AP3M1: variants seen among roughly 807,000 people sequenced by gnomAD.
AP3M1 encodes the protein adaptor related protein complex 3 subunit mu 1.
AP3M1 carries 29 observed loss-of-function variants against 42.6 expected under a neutral mutation model. The observed-to-expected ratio is 0.68, with a 90% CI of 0.51 to 0.93. AP3M1 has a LOEUF of 0.93. AP3M1 is among the 40% of genes least tolerant of loss of function. The pLI, the probability that AP3M1 is intolerant of heterozygous loss-of-function variation, is 0.00. For synonymous variants in AP3M1, 178 were observed against 175.3 expected (o/e 1.02, Z -0.12); for missense variants, 416 against 510.2 (o/e 0.82, Z 1.78).
chr10:74,121,253 C>T lies in AP3M1; in HGVS notation c.*2557G>A, dbSNP rs1026046621. 2 of 152,192 alleles carry T rather than the reference C, an allele frequency of 1.3e-5. No individual in the cohort carries two copies. The highest frequency in any genetic ancestry group is 4.8e-5 in the African/African-American group (2 of 41,442). 9.4% of individuals were successfully genotyped at this position (152,192 alleles called of 1,614,324 possible). On this transcript the variant is annotated 3_prime_UTR_variant, in exon 9 of 9. Coordinates refer to ENST00000355264, the MANE Select transcript of AP3M1 (RefSeq NM_012095.6). ...CTGTAGTATAATCATTTTCTCAAAT[C>T]AGTTGCCTCTCAGGACAAGATCAGC...
In AP3M1 at chr10:74,124,429, C is replaced by A. The variant is rs536703087; in HGVS notation, c.1107G>T (p.Glu369Asp). ...NLQSGAPKPEENPSLNIQFKI... is the reference protein window; with the variant it reads ...NLQSGAPKPEDNPSLNIQFKI... Reference sequence around the variant, plus strand: ...TAAACTGTATGTTGAGGCTCGGATTCTCTTCTGGTTTGGGGGCTCCAGACT... The same window carrying A: ...TAAACTGTATGTTGAGGCTCGGATTATCTTCTGGTTTGGGGGCTCCAGACT... The change falls in exon 8 of 9, where the codon GAG becomes GAT. Residue 369 changes from glutamate (E) to aspartate (D), a missense_variant. Physicochemically the swap from Glu to Asp is conservative, Grantham distance 45 (BLOSUM62 2). Transcript: ENST00000355264. 2.5e-6 allele frequency: 4 copies of A among 1,613,726 alleles called. No individual in the cohort carries two copies. The African/African-American group carries it at 5.3e-5, about 22-fold the overall frequency.
chr10:74,129,179 A>G lies in AP3M1; in HGVS notation c.732T>C (p.Ser244=). 1.9e-6 allele frequency: 3 copies of G among 1,614,198 alleles called. No individual in the cohort carries two copies. The highest frequency in any genetic ancestry group is 8.5e-7 in the Non-Finnish European group (1 of 1,180,018). Reference sequence around the variant, plus strand: ...GAGGAATAAATGACAAAACTCTTTCAGATTCCCAACGCTTGAACCGGATGC... The same window carrying G: ...GAGGAATAAATGACAAAACTCTTTCGGATTCCCAACGCTTGAACCGGATGC... ...HPCIRFKRWE[S]ERVLSFIPPD... Residue 244 remains serine (S), a synonymous_variant, in exon 6 of 9, where the codon TCT becomes TCC. Transcript: ENST00000355264.
At chr10:74,126,816 C>T (rs1840629297) in intron 6 of AP3M1, among the ~76,000 whole-genome samples, 1 of 150,738 alleles carries the variant, frequency 6.6e-6, no homozygotes, top group Non-Finnish European at 1.5e-5. Context: ...ACTAAAAATA[C>T]AAAAATTAGC....
intron 3 of AP3M1, among the ~76,000 whole-genome samples, chr10:74,136,263 C>T (rs1216588316): frequency 6.6e-6 from 1 of 152,112 alleles, no homozygotes; most frequent in Non-Finnish European, 1.5e-5. Flanking sequence ...TTATGTAATG[C>T]TATTTTAAAT....
Position 74,123,622 on chromosome 10 carries a change from A to G in AP3M1, c.*188T>C. ...AAGATACAAAATAAGCTAAGTCACT[A>G]AAAGGTTTCCTTAGCTTAAAGCTCC... On this transcript the variant is annotated 3_prime_UTR_variant, in exon 9 of 9. Coordinates refer to ENST00000355264, the MANE Select transcript of AP3M1 (RefSeq NM_012095.6). 1 of 583,590 alleles carries G rather than the reference A, an allele frequency of 1.7e-6. No individual in the cohort carries two copies. Among genetic ancestry groups the G allele is most frequent in the Non-Finnish European group, 3.1e-6 (1 of 327,826 alleles). The allele number at this position is 583,590 out of a possible 1,614,324, so 36.2% of individuals were successfully genotyped here.
chr10:74,143,378 T>C (rs1841219432), intron 1 of AP3M1, among the ~76,000 whole-genome samples: 1 of 152,196 alleles, frequency 6.6e-6, no homozygotes, highest in Non-Finnish European at 1.5e-5. Flanking sequence ...GCCTCCTCAG[T>C]AGCTGGGATT....
chr10:74,139,546 C>T (rs1591759289), intron 1 of AP3M1, among the ~76,000 whole-genome samples: 1 of 151,414 alleles, frequency 6.6e-6, no homozygotes, highest in East Asian at 1.9e-4. Flanking sequence ...CTTGGGGAGG[C>T]CGAGGCAGGT....
chr10:74,124,220 T>G (rs1445175120), intron 8 of AP3M1, among the ~76,000 whole-genome samples, 160 bp downstream of exon 8: 1 of 152,158 alleles, frequency 6.6e-6, no homozygotes, highest in Admixed American at 6.5e-5. Context: ...GAAAAATCAT[T>G]TGGTCGGTGC....
intron 4 of AP3M1, among the ~76,000 whole-genome samples, chr10:74,131,644 C>T (rs2131972167): frequency 6.6e-6 from 1 of 152,038 alleles, no homozygotes; most frequent in African/African-American, 2.4e-5. Context: ...AACTCCTGGG[C>T]TCAAGCAATC....
chr10:74,143,134 T>C (rs1841210162), intron 1 of AP3M1, among the ~76,000 whole-genome samples: 2 of 152,162 alleles, frequency 1.3e-5, no homozygotes, highest in Admixed American at 1.3e-4. Flanking sequence ...GTGGATTACC[T>C]GAGGTCAGGA....
chr10:74,134,091 C>G lies in AP3M1; in HGVS notation c.519G>C (p.Lys173Asn), dbSNP rs905048758. The change falls in exon 4 of 9, where the codon AAG (lysine) becomes AAC (asparagine). Residue 173 changes from lysine (K) to asparagine (N), a missense_variant. Lys to Asn is a moderately conservative substitution (Grantham distance 94, BLOSUM62 0). Transcript: ENST00000355264. ...CAAAATAGGCTTCATTGTTTGTGTA[C>G]TTTACCCCTGCCCGACGCCATGGTA... ...SNIPWRRAGV[K>N]YTNNEAYFDV... 3 of 1,614,170 alleles carry G rather than the reference C, an allele frequency of 1.9e-6. No homozygotes were observed. The highest frequency in any genetic ancestry group is 2.5e-6 in the Non-Finnish European group (3 of 1,180,008).
intron 4 of AP3M1, 160 bp from the exon 5 acceptor site, chr10:74,130,152 C>A: frequency 3.3e-6 from 2 of 604,120 alleles, no homozygotes; most frequent in Non-Finnish European, 2.9e-6. Flanking sequence ...CTCACTGCAG[C>A]CTCACTCCTG....
At chr10:74,136,490 A>G (rs930326759) in intron 3 of AP3M1, 142 bp downstream of exon 3, 3 of 531,818 alleles carry the variant, frequency 5.6e-6, no homozygotes, top group Non-Finnish European at 8.9e-6. Context: ...ATAAATATAT[A>G]GTACATCCAT....
intron 2 of AP3M1, among the ~76,000 whole-genome samples, chr10:74,137,841 T>C (rs114162590): frequency 0.013 from 1,949 of 152,304 alleles, 47 homozygotes; most frequent in African/African-American, 0.044. Context: ...GTTCAAATAT[T>C]TGCCATGTAA....
chr10:74,147,618 A>G (rs1375418389), intron 1 of AP3M1, among the ~76,000 whole-genome samples: 1 of 152,226 alleles, frequency 6.6e-6, no homozygotes, highest in Non-Finnish European at 1.5e-5. Context: ...AAAGAGTATT[A>G]TATTTTTTTC....
chr10:74,132,042 T>G (rs569718699), intron 4 of AP3M1, among the ~76,000 whole-genome samples: 1 of 152,114 alleles, frequency 6.6e-6, no homozygotes, highest in Admixed American at 6.5e-5. Context: ...CTTTTTTCTT[T>G]TTTTGTTTTT....
chr10:74,129,371 C>A (rs963623761), intron 5 of AP3M1, 130 bp from the exon 6 acceptor site: 3 of 785,100 alleles, frequency 3.8e-6, no homozygotes, highest in African/African-American at 1.8e-5. Flanking sequence ...ATCTACACAA[C>A]CTTATAGTTT....
At chr10:74,128,004 G>A (rs1840667233) in intron 6 of AP3M1, among the ~76,000 whole-genome samples, 1 of 150,490 alleles carries the variant, frequency 6.6e-6, no homozygotes. Flanking sequence ...GGAGGCCGAG[G>A]CAGGAGAATC....
chr10:74,132,183 G>A (rs1002501225), intron 4 of AP3M1, among the ~76,000 whole-genome samples: 43 of 151,764 alleles, frequency 2.8e-4, no homozygotes, highest in Non-Finnish European at 5.4e-4. Context: ...GTTTACAGGC[G>A]CCTGCCACCA....
Sources: allele counts gnomAD v4.1 joint callset (sites outside exome capture counted in the v4.1 genomes callset), GRCh38; gene constraint gnomAD v4.1.1; transcripts MANE v1.5; gene names NCBI Gene and HGNC (gene_info 2026-07-23, HGNC 2026-07-21).